The following BCL2L11 variants were observed in gnomAD, a reference collection of about 807,000 sequenced individuals.
The protein encoded by BCL2L11 is BCL2 like 11, also known as bcl-2-like protein 11.
BCL2L11 carries 15 observed loss-of-function variants against 20.6 expected under a neutral mutation model. The observed-to-expected ratio is 0.73, with a 90% CI of 0.49 to 1.12. BCL2L11 has a LOEUF of 1.12. Ranked by LOEUF, BCL2L11 falls within the 50% of genes most tolerant of loss-of-function variation. The probability of loss-of-function intolerance (pLI) is 0.00; values close to 1 mark genes in which losing one functional copy is unlikely to be tolerated. For missense variants in BCL2L11, 292 were observed against 260.9 expected (o/e 1.12, Z -0.82); for synonymous variants, 108 against 92.8 (o/e 1.16, Z -0.94).
chr2:111,128,641 G>T (rs2073215945), intron 2 of BCL2L11: 2 of 1,539,868 alleles, frequency 1.3e-6, no homozygotes, highest in African/African-American at 1.4e-5. Flanking sequence ...CATCCTAGAG[G>T]ATATAGGTGA....
At chr2:111,123,542 T>C in intron 1 of BCL2L11, 191 bp from the exon 2 acceptor site, 1 of 983,990 alleles carries the variant, frequency 1.0e-6, no homozygotes, top group Non-Finnish European at 1.2e-6. Flanking sequence ...GGGGGTACCC[T>C]CTACCAAAAA....
intron 2 of BCL2L11, among the ~76,000 whole-genome samples, chr2:111,130,773 A>G (rs1186462113): frequency 6.6e-6 from 1 of 152,196 alleles, no homozygotes; most frequent in Non-Finnish European, 1.5e-5. Context: ...AGAATGAGGA[A>G]GTTTTAACCT....
chr2:111,138,151 G>GGCAC (rs2075246114), intron 2 of BCL2L11, among the ~76,000 whole-genome samples: 1 of 151,850 alleles, frequency 6.6e-6, no homozygotes, highest in Admixed American at 6.6e-5. Context: ...TGGGATTACA[G>GGCAC]GCACCCACCA....
In BCL2L11 at chr2:111,124,057, C is replaced by T. The variant is rs2071904086; in HGVS notation, c.312C>T (p.Ser104=). Residue 104 remains serine, a synonymous_variant, in exon 2 of 4, where the codon AGC becomes AGT. Coordinates refer to ENST00000393256, the MANE Select transcript of BCL2L11 (RefSeq NM_138621.5). ...SGYFSFDTDR[S]PAPMSCDKST... The stretch of plus-strand genomic sequence containing the variant: ...ATTTCTCTTTTGACACAGACAGGAG[C>T]CCAGCACCCATGAGTTGTGACAAAT... The T allele has an allele frequency of 1.9e-6, 3 of 1,614,158 alleles. No homozygotes were observed. The highest frequency in any genetic ancestry group is 2.5e-6 in the Non-Finnish European group (3 of 1,180,016).
rs1012912446 is a variant in BCL2L11 at position 111,120,970 on chromosome 2, C to T, written c.-232C>T. On this transcript the variant is annotated 5_prime_UTR_variant, in exon 1 of 4. Coordinates refer to ENST00000393256, the MANE Select transcript of BCL2L11 (RefSeq NM_138621.5). Reference sequence around the variant, plus strand: ...TTTGTTGGAGCTCTGCGTCCAGCGCCGCTGCCGCTGCCGCCGCCGCCGCCG... The same window carrying T: ...TTTGTTGGAGCTCTGCGTCCAGCGCTGCTGCCGCTGCCGCCGCCGCCGCCG... 2 of 281,212 alleles carry T rather than the reference C, an allele frequency of 7.1e-6. No homozygotes were observed. The highest frequency in any genetic ancestry group is 1.1e-5 in the Non-Finnish European group (2 of 174,974). The allele number at this position is 281,212 out of a possible 1,614,324, so 17.4% of individuals were successfully genotyped here. A position where few individuals can be genotyped will look rare whatever the true frequency, so the allele number is the denominator to read the frequency against.
rs73954957 is a variant in BCL2L11, at chr2:111,145,578, A to G, written c.395-4466A>G. Among the ~76,000 whole-genome samples the G allele has an allele frequency of 3.7e-3, 559 of 152,266 alleles. 3 individuals carry two copies. Among genetic ancestry groups the G allele is most frequent in the African/African-American group, 0.013 (535 of 41,558 alleles). On this transcript the variant is annotated intron_variant, in intron 2 of 3. Coordinates refer to ENST00000393256, the MANE Select transcript of BCL2L11 (RefSeq NM_138621.5). Reference sequence around the variant, plus strand: ...AAGCCCCAGCCTGATTTCACTATCAACCACTTAACCACGGTATTAATTTTT... The same window carrying G: ...AAGCCCCAGCCTGATTTCACTATCAGCCACTTAACCACGGTATTAATTTTT...
intron 2 of BCL2L11, among the ~76,000 whole-genome samples, chr2:111,125,483 A>G (rs2072377271): frequency 6.6e-6 from 1 of 152,250 alleles, no homozygotes; most frequent in Non-Finnish European, 1.5e-5. Context: ...AACCCAGTAC[A>G]GAGTCTATTA....
At chr2:111,125,925 G>T (rs985213783) in intron 2 of BCL2L11, among the ~76,000 whole-genome samples, 1 of 152,034 alleles carries the variant, frequency 6.6e-6, no homozygotes, top group Non-Finnish European at 1.5e-5. Context: ...GATCATTCTC[G>T]CTTACTATAA....
chr2:111,148,723 T>C (rs2076879560), intron 2 of BCL2L11, among the ~76,000 whole-genome samples: 1 of 152,178 alleles, frequency 6.6e-6, no homozygotes, highest in South Asian at 2.1e-4. Context: ...GTGTCCCTCT[T>C]ACCCCACTGC....
rs2077530406 is a variant in BCL2L11 at position 111,153,961 on chromosome 2, C to G, written c.498+3814C>G. The G allele has an allele frequency of 1.2e-5, 17 of 1,439,728 alleles. 1 individual carries two copies. The South Asian group carries it at 2.5e-4, about 22-fold the overall frequency. The allele number at this position is 1,439,728 out of a possible 1,614,324, so 89.2% of individuals were successfully genotyped here. ...TTCTCTCCCGATGCAGTGTCATTCC[C>G]AGGTGAACCTGCCGGGCTGAACGGC... is the stretch of plus-strand genomic sequence containing the variant. On this transcript the variant is annotated intron_variant, in intron 3 of 3. Transcript: ENST00000393256.
intron 2 of BCL2L11, chr2:111,128,481 T>C: frequency 1.4e-5 from 17 of 1,177,530 alleles, no homozygotes; most frequent in Non-Finnish European, 1.9e-5. Flanking sequence ...TGCTGGATCA[T>C]ATGGTAATTC....
At chr2:111,148,876 G>A (rs1208328775) in intron 2 of BCL2L11, among the ~76,000 whole-genome samples, 1 of 152,216 alleles carries the variant, frequency 6.6e-6, no homozygotes, top group Non-Finnish European at 1.5e-5. Flanking sequence ...TCACTTTTAA[G>A]TGTTTTTATA....
chr2:111,131,109 C>A (rs999456492), intron 2 of BCL2L11, among the ~76,000 whole-genome samples: 10 of 151,520 alleles, frequency 6.6e-5, no homozygotes, highest in African/African-American at 2.4e-4. Flanking sequence ...GGAAGGGTTC[C>A]CTCTTTTATT....
At chr2:111,156,107 A>C (rs601445) in intron 3 of BCL2L11, among the ~76,000 whole-genome samples, 1,863 of 152,326 alleles carry the variant, frequency 0.012, 44 homozygotes, top group African/African-American at 0.043. Flanking sequence ...TACAAAGGCA[A>C]GGACTAAAGT....
At chr2:111,125,511 C>T (rs2072384090) in intron 2 of BCL2L11, among the ~76,000 whole-genome samples, 1 of 152,218 alleles carries the variant, frequency 6.6e-6, no homozygotes, top group South Asian at 2.1e-4. Flanking sequence ...GATTGTACCT[C>T]ATGATGAAGG....
chr2:111,130,351 G>C (rs150367300), intron 2 of BCL2L11: 1 of 228,774 alleles, frequency 4.4e-6, no homozygotes, highest in Non-Finnish European at 9.0e-6. Flanking sequence ...TGATCTGCCC[G>C]CCTTGGCCTC....
chr2:111,145,222 C>T (rs540009265), intron 2 of BCL2L11, among the ~76,000 whole-genome samples: 10 of 152,236 alleles, frequency 6.6e-5, no homozygotes, highest in Non-Finnish European at 1.3e-4. Context: ...AAATGAGGGT[C>T]GCACCACCTC....
intron 1 of BCL2L11, among the ~76,000 whole-genome samples, chr2:111,122,123 C>G (rs2071148654): frequency 6.6e-6 from 1 of 152,184 alleles, no homozygotes; most frequent in Non-Finnish European, 1.5e-5. Context: ...GGCTTTGACT[C>G]GTGTCTGCGG....
chr2:111,132,870 G>GGTACCTTTTTTCAAGGTACCAGGCCTGT (rs1475860632), intron 2 of BCL2L11, among the ~76,000 whole-genome samples: 2 of 152,152 alleles, frequency 1.3e-5, no homozygotes, highest in Non-Finnish European at 2.9e-5. Context: ...TTTTCAAGGG[G>GGTACCTTTTTTCAAGGTACCAGGCCTGT]CTTTTTATTC....
Sources: allele counts gnomAD v4.1 joint callset (sites outside exome capture counted in the v4.1 genomes callset), GRCh38; gene constraint gnomAD v4.1.1; transcripts MANE v1.5; gene names NCBI Gene and HGNC (gene_info 2026-07-23, HGNC 2026-07-21).